The following VCF1 variants were observed in gnomAD, a reference collection of about 807,000 sequenced individuals.
The protein encoded by VCF1 is VCP nuclear cofactor family member 1.
the VCF1 span, chr17:73,232,322 G>A: frequency 1.9e-4 from 300 of 1,557,480 alleles, 1 homozygote; most frequent in Non-Finnish European, 1.4e-4. Flanking sequence ...TGCCGCCGTG[G>A]TACCGCCCTC....
At chr17:73,225,025 G>GACCAC in the VCF1 span, among the ~76,000 whole-genome samples, 14 of 43,224 alleles carry the variant, frequency 3.2e-4, no homozygotes, top group East Asian at 8.6e-4. Flanking sequence ...GATAGGACAG[G>GACCAC]ACAGGACAGC....
At chr17:73,208,636 A>G in the VCF1 span, 1 of 735,442 alleles carries the variant, frequency 1.4e-6, no homozygotes. Flanking sequence ...ATTTCACAAT[A>G]CTTGTTGCTT....
At chr17:73,227,289 A>G in the VCF1 span, 1 of 1,528,998 alleles carries the variant, frequency 6.5e-7, no homozygotes. Context: ...CAAGGAGAAA[A>G]AAAAAAAAAC....
chr17:73,214,379 C>T, the VCF1 span, among the ~76,000 whole-genome samples: 39 of 150,080 alleles, frequency 2.6e-4, no homozygotes, highest in Admixed American at 2.7e-4. Flanking sequence ...AGCTTTCTTT[C>T]AATTATTCAC....
chr17:73,232,327 G>C, the VCF1 span: 33 of 1,547,700 alleles, frequency 2.1e-5, no homozygotes, highest in Non-Finnish European at 2.9e-5. Flanking sequence ...CCGTGGTACC[G>C]CCCTCTCGCG....
the VCF1 span, among the ~76,000 whole-genome samples, chr17:73,214,576 T>A: frequency 6.6e-6 from 1 of 152,224 alleles, no homozygotes; most frequent in Non-Finnish European, 1.5e-5. Flanking sequence ...TTGAAGTCTG[T>A]ATTAGTGCCT....
At chr17:73,224,557 A>C in the VCF1 span, among the ~76,000 whole-genome samples, 23 of 152,346 alleles carry the variant, frequency 1.5e-4, no homozygotes, top group East Asian at 4.4e-3. Context: ...TATTAATAAA[A>C]TATTTTGTCT....
At chr17:73,208,039 C>T in the VCF1 span, 4 of 1,354,050 alleles carry the variant, frequency 3.0e-6, no homozygotes, top group Non-Finnish European at 2.9e-6. Flanking sequence ...CAGTTCTGCC[C>T]ACATTAGGTT....
the VCF1 span, among the ~76,000 whole-genome samples, chr17:73,225,904 T>G: frequency 5.9e-5 from 7 of 119,430 alleles, no homozygotes; most frequent in African/African-American, 2.3e-4. Context: ...TATATATTTT[T>G]TTTTTTTTTT....
chr17:73,216,203 G>A, the VCF1 span, among the ~76,000 whole-genome samples: 1 of 152,140 alleles, frequency 6.6e-6, no homozygotes, highest in Non-Finnish European at 1.5e-5. Context: ...GGCCCAGGAG[G>A]ACTGTGGAAA....
At chr17:73,232,070 G>A in the VCF1 span, 6 of 1,587,006 alleles carry the variant, frequency 3.8e-6, no homozygotes, top group African/African-American at 1.3e-5. Context: ...TGGAAAGGGG[G>A]TCCCTTCCCT....
the VCF1 span, among the ~76,000 whole-genome samples, chr17:73,230,760 A>G: frequency 6.6e-6 from 1 of 152,236 alleles, no homozygotes; most frequent in Non-Finnish European, 1.5e-5. Context: ...TCCATTAAAC[A>G]CTGGCAGGAA....
At chr17:73,218,131 G>C in the VCF1 span, among the ~76,000 whole-genome samples, 1 of 151,988 alleles carries the variant, frequency 6.6e-6, no homozygotes, top group Non-Finnish European at 1.5e-5. Context: ...TCATGATGAA[G>C]CTCATTTTCA....
chr17:73,215,010 C>G, the VCF1 span, among the ~76,000 whole-genome samples: 3 of 152,170 alleles, frequency 2.0e-5, no homozygotes, highest in Non-Finnish European at 4.4e-5. Context: ...ATTTTCATGA[C>G]ACAATCCAAA....
the VCF1 span, chr17:73,208,041 C>T: frequency 7.4e-7 from 1 of 1,356,492 alleles, no homozygotes; most frequent in East Asian, 3.1e-5. Flanking sequence ...GTTCTGCCCA[C>T]ATTAGGTTAG....
chr17:73,219,993 A>G, the VCF1 span, among the ~76,000 whole-genome samples: 2 of 152,008 alleles, frequency 1.3e-5, no homozygotes, highest in Non-Finnish European at 2.9e-5. Flanking sequence ...AGAAAAAAAA[A>G]AAAAACAAAA....
At chr17:73,226,994 G>C in the VCF1 span, among the ~76,000 whole-genome samples, 1 of 152,182 alleles carries the variant, frequency 6.6e-6, no homozygotes, top group Non-Finnish European at 1.5e-5. Flanking sequence ...GCTGGGGACA[G>C]GGTACACAGC....
At chr17:73,231,659 C>G in the VCF1 span, among the ~76,000 whole-genome samples, 3 of 152,176 alleles carry the variant, frequency 2.0e-5, no homozygotes. Flanking sequence ...CCCAACCTTT[C>G]TTTCTGACCT....
the VCF1 span, among the ~76,000 whole-genome samples, chr17:73,225,867 A>AAAT: frequency 2.7e-5 from 3 of 110,708 alleles, no homozygotes; most frequent in Non-Finnish European, 3.5e-5. Flanking sequence ...ATAGGAAAAA[A>AAAT]ATATATATAT....
Sources: allele counts gnomAD v4.1 joint callset (sites outside exome capture counted in the v4.1 genomes callset), GRCh38; gene constraint gnomAD v4.1.1; transcripts MANE v1.5; gene names NCBI Gene and HGNC (gene_info 2026-07-23, HGNC 2026-07-21).